MYO9A: variants seen among roughly 807,000 people sequenced by gnomAD.
The protein encoded by MYO9A is myosin IXA.
MYO9A carries 103 observed loss-of-function variants against 293.3 expected under a neutral mutation model. That is an observed-to-expected ratio of 0.35 (90% CI 0.30 to 0.41). The LOEUF (loss-of-function observed/expected upper bound fraction) is 0.41, where lower values mean the gene tolerates loss of function less well. Ranked by LOEUF, MYO9A falls within the 10% of genes least tolerant of loss-of-function variation. MYO9A has a pLI of 1.00. For missense variants in MYO9A, 2,685 were observed against 3,033.0 expected (o/e 0.89, Z 2.69); for synonymous variants, 1,001 against 1,035.7 (o/e 0.97, Z 0.64).
intron 32 of MYO9A, among the ~76,000 whole-genome samples, chr15:71,868,597 A>ATCTT (rs2056412230): frequency 6.6e-6 from 1 of 152,202 alleles, no homozygotes; most frequent in South Asian, 2.1e-4. Flanking sequence ...TGGAGGGAAC[A>ATCTT]TCTTTAGAAT....
Position 71,880,534 on chromosome 15 carries a change from G to A in MYO9A, c.5423C>T (p.Pro1808Leu). ...PDELAAYHPTPPLSPELPGSC... is the reference protein window; with the variant it reads ...PDELAAYHPTLPLSPELPGSC... ...GCCGGGCAGTTCTGGGCTCAAAGGA[G>A]GTGTTGGGTGATATGCAGCTAATTC... is the stretch of plus-strand genomic sequence containing the variant. The change falls in exon 29 of 42, where the codon CCT (proline) becomes CTT (leucine). Residue 1808 changes from proline to leucine, a missense_variant. Transcript: ENST00000356056. 1.2e-6 allele frequency: 2 copies of A among 1,614,056 alleles called. No individual in the cohort carries two copies. Among genetic ancestry groups the A allele is most frequent in the South Asian group, 2.2e-5 (2 of 91,076 alleles).
intron 15 of MYO9A, among the ~76,000 whole-genome samples, chr15:71,939,630 T>C (rs1431132456): frequency 1.3e-5 from 2 of 152,210 alleles, no homozygotes; most frequent in East Asian, 1.9e-4. Context: ...ACAATGAGTA[T>C]CAATGTATTG....
At chr15:71,908,347 T>G (rs928523857) in intron 19 of MYO9A, among the ~76,000 whole-genome samples, 1 of 152,196 alleles carries the variant, frequency 6.6e-6, no homozygotes, top group African/African-American at 2.4e-5. Flanking sequence ...GTATTTTTAG[T>G]AGAGACGAGG....
intron 19 of MYO9A, among the ~76,000 whole-genome samples, chr15:71,910,182 A>ATATATATATACGTGTGTATATATAT (rs1567260909): frequency 6.9e-6 from 1 of 145,738 alleles, no homozygotes; most frequent in Non-Finnish European, 1.5e-5. Flanking sequence ...ATATATATAT[A>ATATATATATACGTGTGTATATATAT]AAATCAGAAA....
At chr15:72,073,378 T>C (rs1396145082) in intron 1 of MYO9A, among the ~76,000 whole-genome samples, 5 of 152,184 alleles carry the variant, frequency 3.3e-5, no homozygotes, top group Admixed American at 6.5e-5. Context: ...CAAAAAATTA[T>C]AACAAAATAA....
chr15:71,872,543 AC>A (rs2056547008), intron 32 of MYO9A, among the ~76,000 whole-genome samples: 1 of 152,212 alleles, frequency 6.6e-6, no homozygotes, highest in African/African-American at 2.4e-5. Context: ...CTTGATCATT[AC>A]GCATTTTATT....
At chr15:71,998,201 T>C (rs147058463) in intron 9 of MYO9A, among the ~76,000 whole-genome samples, 57 of 152,214 alleles carry the variant, frequency 3.7e-4, no homozygotes, top group African/African-American at 1.3e-3. Context: ...CCATTATCCA[T>C]TGCAAACTAA....
At position 72,099,607 on chromosome 15, in the gene MYO9A, G is replaced by GA. The variant is rs529495441; in HGVS notation, c.-72+18072dup. On this transcript the variant is annotated intron_variant, in intron 1 of 41. Coordinates refer to ENST00000356056, the MANE Select transcript of MYO9A (RefSeq NM_006901.4). ...ACAGCGAGACCTTGTCTCAAAAAAAGAAAAAAAAACCAAGGCTGGGCGCGG... is the reference window on the plus strand; with the variant it reads ...ACAGCGAGACCTTGTCTCAAAAAAAGAAAAAAAAAACCAAGGCTGGGCGCGG... 5.7e-3 allele frequency among the ~76,000 whole-genome samples: 847 copies of GA among 149,196 alleles called. 12 individuals carry two copies. Among genetic ancestry groups the GA allele is most frequent in the African/African-American group, 0.02 (794 of 40,632 alleles).
intron 11 of MYO9A, among the ~76,000 whole-genome samples, chr15:71,978,645 A>G (rs1758907079): frequency 6.6e-6 from 1 of 152,178 alleles, no homozygotes; most frequent in African/African-American, 2.4e-5. Context: ...GCCATCAAAA[A>G]GCACTATATT....
rs540670479 is a variant in MYO9A, at chr15:71,877,603, G to A, written c.5931+437C>T. ...CTCCTGAGTAGCTGAAATTACAGGC[G>A]CCTGCCATCATGCCCAGCTAATTTT... On this transcript the variant is annotated intron_variant, in intron 31 of 41. Transcript: ENST00000356056. Among the ~76,000 whole-genome samples, 285 of 152,118 alleles carry A rather than the reference G, an allele frequency of 1.9e-3. 1 individual carries two copies. Among genetic ancestry groups the A allele is most frequent in the African/African-American group, 6.4e-3 (265 of 41,508 alleles).
In MYO9A at chr15:71,898,227, G is replaced by T; in HGVS notation, c.4276C>A (p.Gln1426Lys). The T allele has an allele frequency of 1.9e-6, 3 of 1,614,100 alleles. No homozygotes were observed. The highest frequency in any genetic ancestry group is 2.5e-6 in the Non-Finnish European group (3 of 1,180,024). ...TGGGAATTTGTTTTCAGTGGGTCTT[G>T]TTGGGGGATATAAAAAAAAGTAGGT... is the stretch of plus-strand genomic sequence containing the variant. ...SLPTFFYIPQ[Q>K]DPLKTNSQLD... Residue 1426 changes from glutamine to lysine, a missense_variant, in exon 25 of 42, where the codon CAA becomes AAA. By Grantham distance (53) the Gln-to-Lys change is moderately conservative. Transcript: ENST00000356056.
At chr15:72,114,703 G>C (rs2080904909) in intron 1 of MYO9A, among the ~76,000 whole-genome samples, 2 of 152,160 alleles carry the variant, frequency 1.3e-5, no homozygotes. Context: ...ATATCCATTA[G>C]GCAGTGCTTT....
At chr15:72,002,493 C>T (rs1046074471) in intron 8 of MYO9A, among the ~76,000 whole-genome samples, 1 of 151,890 alleles carries the variant, frequency 6.6e-6, no homozygotes, top group Non-Finnish European at 1.5e-5. Context: ...TGTGGGCCAT[C>T]GTGCCCAGCC....
intron 1 of MYO9A, among the ~76,000 whole-genome samples, chr15:72,061,707 A>T (rs1596488407): frequency 6.6e-6 from 1 of 151,158 alleles, no homozygotes; most frequent in East Asian, 1.9e-4. Context: ...AAAGTTCCCA[A>T]CTCCAGGCCC....
intron 11 of MYO9A, among the ~76,000 whole-genome samples, chr15:71,980,807 C>T (rs1296279302): frequency 2.0e-5 from 3 of 152,178 alleles, no homozygotes; most frequent in African/African-American, 7.2e-5. Context: ...CACTGCACTC[C>T]ACCCTGGGCT....
chr15:72,072,285 C>T (rs2079217820), intron 1 of MYO9A, among the ~76,000 whole-genome samples: 1 of 151,930 alleles, frequency 6.6e-6, no homozygotes, highest in Non-Finnish European at 1.5e-5. Context: ...GCGCCCGCCA[C>T]CACGCCTGGC....
rs2057073837 is a variant in MYO9A, at chr15:71,888,084, T to C, written c.5175A>G (p.Gln1725=). ...TSQRFSSVDE[Q]AKLHKTMSQG... ...GAGACATAGTCTTATGAAGTTTTGC[T>C]TGTTCATCAACTGACGAAAATCGCT... Residue 1725 remains glutamine (Q), a synonymous_variant, in exon 27 of 42, where the codon CAA becomes CAG. Coordinates refer to ENST00000356056, the MANE Select transcript of MYO9A (RefSeq NM_006901.4). 6.2e-7 allele frequency: 1 copy of C among 1,610,188 alleles called. No individual in the cohort carries two copies. Among genetic ancestry groups the C allele is most frequent in the Admixed American group, 1.7e-5 (1 of 59,488 alleles).
rs1596541372 is a variant in MYO9A at position 72,086,643 on chromosome 15, G to T, written c.-72+31037C>A. Among the ~76,000 whole-genome samples, 3 of 152,190 alleles carry T rather than the reference G, an allele frequency of 2.0e-5. No individual in the cohort carries two copies. The South Asian group carries it at 6.2e-4, about 32-fold the overall frequency. ...CACACCGGCAAAGTGATGTGTGTTG[G>T]GGGGGCCGGGGCAGTGGTCTGTGGG... On this transcript the variant is annotated intron_variant, in intron 1 of 41. Coordinates refer to ENST00000356056, the MANE Select transcript of MYO9A (RefSeq NM_006901.4).
intron 39 of MYO9A, among the ~76,000 whole-genome samples, chr15:71,834,239 G>C (rs2054846129): frequency 6.6e-6 from 1 of 151,954 alleles, no homozygotes; most frequent in African/African-American, 2.4e-5. Context: ...ACAAAGTGGA[G>C]AAATTTCTAT....
Sources: allele counts gnomAD v4.1 joint callset (sites outside exome capture counted in the v4.1 genomes callset), GRCh38; gene constraint gnomAD v4.1.1; transcripts MANE v1.5; gene names NCBI Gene and HGNC (gene_info 2026-07-23, HGNC 2026-07-21).